MCM3: variants seen among roughly 807,000 people sequenced by gnomAD.
MCM3 encodes minichromosome maintenance complex component 3, also known as DNA replication licensing factor MCM3.
Under a neutral mutation model 91.3 loss-of-function variants are expected in MCM3, and 59 were observed. The ratio of observed to expected loss-of-function variants is 0.65; its 90% CI spans 0.52 to 0.80. The LOEUF is 0.80. Ranked by LOEUF, MCM3 falls within the 30% of genes least tolerant of loss-of-function variation. The probability of loss-of-function intolerance (pLI) is 0.00; values close to 1 mark genes in which losing one functional copy is unlikely to be tolerated. For synonymous variants in MCM3, 383 were observed against 379.6 expected (o/e 1.01, Z -0.10); for missense variants, 919 against 1,035.4 (o/e 0.89, Z 1.54).
chr6:52,269,371 C>A, intron 12 of MCM3, 145 bp from the exon 13 acceptor site: 1 of 626,874 alleles, frequency 1.6e-6, no homozygotes, highest in Non-Finnish European at 2.6e-6. Context: ...TCTACAGATA[C>A]CATATAAAAA....
chr6:52,275,752 A>G (rs1765498517), intron 9 of MCM3, among the ~76,000 whole-genome samples: 1 of 152,244 alleles, frequency 6.6e-6, no homozygotes, highest in African/African-American at 2.4e-5. Flanking sequence ...GAAAAACTCA[A>G]CAAACCCCAC....
Position 52,282,319 on chromosome 6 carries a change from CTTT to C in MCM3, c.401-147_401-145del, listed in dbSNP as rs17239866. ...ATATTTCAATATTACCTTTTATTCA[CTTT>C]TTTATTTATATATAGACCACCACCA... On this transcript the variant is annotated intron_variant, in intron 3 of 16. Transcript: ENST00000596288. The C allele has an allele frequency of 0.016, 12,261 of 749,104 alleles. 1,826 individuals are homozygous for C. The Admixed American group carries it at 0.28, about 17-fold the overall frequency. The allele number at this position is 749,104 out of a possible 1,614,324, so 46.4% of individuals were successfully genotyped here.
chr6:52,276,572 G>T, intron 8 of MCM3, 96 bp from the exon 9 acceptor site: 1 of 1,068,966 alleles, frequency 9.4e-7, no homozygotes, highest in Non-Finnish European at 1.3e-6. Flanking sequence ...CTCTCACTTT[G>T]CACGTGAGAA....
At chr6:52,275,764 CACA>C (rs1196032970) in intron 9 of MCM3, among the ~76,000 whole-genome samples, 6 of 152,146 alleles carry the variant, frequency 3.9e-5, no homozygotes, top group Non-Finnish European at 8.8e-5. Flanking sequence ...AAACCCCACG[CACA>C]GACAAATATA....
chr6:52,283,091 T>C (rs575991273), intron 2 of MCM3, among the ~76,000 whole-genome samples: 7 of 150,272 alleles, frequency 4.7e-5, no homozygotes, highest in African/African-American at 1.7e-4. Context: ...CAGCTAAACA[T>C]TGGAAGGAGG....
intron 9 of MCM3, among the ~76,000 whole-genome samples, chr6:52,274,626 C>T (rs1405105217): frequency 1.3e-5 from 2 of 151,426 alleles, no homozygotes; most frequent in Non-Finnish European, 2.9e-5. Flanking sequence ...GAGGTCGAGG[C>T]TGCAGTGAGC....
At chr6:52,269,316 A>T (rs931263739) in intron 12 of MCM3, 90 bp from the exon 13 acceptor site, 3 of 1,374,978 alleles carry the variant, frequency 2.2e-6, no homozygotes, top group Non-Finnish European at 3.0e-6. Context: ...ACACTACCAG[A>T]AAAGCCCCAG....
In MCM3 at chr6:52,264,446, T is replaced by G. The variant is rs932061358; in HGVS notation, c.*142A>C. 9 of 891,614 alleles carry G rather than the reference T, an allele frequency of 1.0e-5. No homozygotes were observed. The highest frequency in any genetic ancestry group is 1.6e-5 in the Non-Finnish European group (9 of 576,402). The allele number at this position is 891,614 out of a possible 1,614,324, so 55.2% of individuals were successfully genotyped here. Reference sequence around the variant, plus strand: ...CCAAAGGGTCCACCGAGTCCTGAACTCAGCTTCATCACCAACATTCCTCGC... The same window carrying G: ...CCAAAGGGTCCACCGAGTCCTGAACGCAGCTTCATCACCAACATTCCTCGC... On this transcript the variant is annotated 3_prime_UTR_variant, in exon 17 of 17. Coordinates refer to ENST00000596288, the MANE Select transcript of MCM3 (RefSeq NM_002388.6).
At chr6:52,271,889 G>T (rs531704117) in intron 12 of MCM3, among the ~76,000 whole-genome samples, 1 of 152,250 alleles carries the variant, frequency 6.6e-6, no homozygotes, top group East Asian at 1.9e-4. Flanking sequence ...TCATTCCTTT[G>T]TAAGTACCAC....
chr6:52,283,152 AAAAAAT>A (rs78432633), intron 2 of MCM3, 136 bp downstream of exon 2: 3 of 660,120 alleles, frequency 4.5e-6, no homozygotes, highest in East Asian at 5.6e-5. Context: ...AAAAAAAAAA[AAAAAAT>A]AGGTGCAGGT....
Position 52,278,819 on chromosome 6 carries a change from T to C in MCM3, c.802A>G (p.Met268Val). 1 of 1,613,768 alleles carries C rather than the reference T, an allele frequency of 6.2e-7. No homozygotes were observed. ...AAAGAGGGCTGAGCATCCTTGCTCA[T>C]CTGCTTAACATTACAGGCAATCAGG... ...TVLIACNVKQMSKDAQPSFSA... is the reference protein window; with the variant it reads ...TVLIACNVKQVSKDAQPSFSA... Residue 268 changes from methionine to valine, a missense_variant, in exon 6 of 17, where the codon ATG becomes GTG. Physicochemically the swap from Met to Val is conservative, Grantham distance 21 (BLOSUM62 1). Transcript: ENST00000596288.
intron 4 of MCM3, 149 bp downstream of exon 4, chr6:52,281,896 C>G (rs1484390596): frequency 2.2e-5 from 14 of 626,366 alleles, no homozygotes; most frequent in Non-Finnish European, 3.5e-5. Context: ...ATATTAAACT[C>G]TGGCCTGCAA....
In MCM3 at chr6:52,269,070, G is replaced by T; in HGVS notation, c.1968+16C>A. On this transcript the variant is annotated intron_variant, in intron 13 of 16. Transcript: ENST00000596288. The stretch of plus-strand genomic sequence containing the variant: ...ATCCAGGAGATCCTCTCATGCCCAG[G>T]CATCTGAATCCTCACCTTCTTAAAG... 6.2e-7 allele frequency: 1 copy of T among 1,604,688 alleles called. No homozygotes were observed. Among genetic ancestry groups the T allele is most frequent in the Admixed American group, 1.7e-5 (1 of 59,670 alleles).
rs769764975 is a variant in MCM3 at position 52,284,679 on chromosome 6, G to A, written c.-5C>T. The A allele has an allele frequency of 8.7e-6, 14 of 1,605,758 alleles. No individual in the cohort carries two copies. Among genetic ancestry groups the A allele is most frequent in the Admixed American group, 1.7e-5 (1 of 58,874 alleles). On this transcript the variant is annotated 5_prime_UTR_variant, in exon 1 of 17. Coordinates refer to ENST00000596288, the MANE Select transcript of MCM3 (RefSeq NM_002388.6). ...CAGCACCACGGTACCCGCCATGCCC[G>A]CTGCCAAAGAACTACCTCCACCAAA... is the stretch of plus-strand genomic sequence containing the variant.
rs1002635860 is a variant in MCM3, at chr6:52,283,411, A to G, written c.79-5T>C. The G allele has an allele frequency of 1.9e-6, 3 of 1,598,104 alleles. No homozygotes were observed. The highest frequency in any genetic ancestry group is 2.6e-6 in the Non-Finnish European group (3 of 1,165,334). ...CTGATAAATTCCCTGGTCTTCCTGC[A>G]AAACAGCCACCACATATCACCATAG... On this transcript the variant is annotated splice_polypyrimidine_tract_variant and splice_region_variant and intron_variant, in intron 1 of 16. Coordinates refer to ENST00000596288, the MANE Select transcript of MCM3 (RefSeq NM_002388.6).
At chr6:52,268,395 T>A (rs947684181) in intron 13 of MCM3, among the ~76,000 whole-genome samples, 2 of 149,956 alleles carry the variant, frequency 1.3e-5, no homozygotes, top group Non-Finnish European at 3.0e-5. Flanking sequence ...TTATCAGACT[T>A]ACAACTCAAC....
chr6:52,282,564 C>A, intron 3 of MCM3, 89 bp downstream of exon 3: 1 of 1,262,288 alleles, frequency 7.9e-7, no homozygotes, highest in Non-Finnish European at 1.1e-6. Context: ...TCTTTGAAGC[C>A]ACAAGCTACC....
intron 2 of MCM3, 71 bp downstream of exon 2, chr6:52,283,223 G>T: frequency 2.4e-6 from 3 of 1,225,250 alleles, no homozygotes; most frequent in Non-Finnish European, 3.6e-6. Context: ...CTCCTGAGAG[G>T]CTGTTCCAAT....
Position 52,283,309 on chromosome 6 carries a change from T to A in MCM3, c.176A>T (p.Glu59Val). The change falls in exon 2 of 17, where the codon GAG becomes GTG. Residue 59 changes from glutamate (E) to valine (V), a missense_variant. Around this residue, in one of 3 missense-constraint regions of MCM3, gnomAD observed 401 missense variants for 402.7 expected, o/e 1.00. Coordinates refer to ENST00000596288, the MANE Select transcript of MCM3 (RefSeq NM_002388.6). ...TGCCTCTCACCGGTTAGCCCTCTTC[T>A]CGTTTTTCCTGCGCAGGTCATTCAC... ...VNVNDLRRKN[E>V]KRANRLLNNA... 3 of 1,614,060 alleles carry A rather than the reference T, an allele frequency of 1.9e-6. No individual in the cohort carries two copies. The highest frequency in any genetic ancestry group is 2.5e-6 in the Non-Finnish European group (3 of 1,179,966).
Sources: allele counts gnomAD v4.1 joint callset (sites outside exome capture counted in the v4.1 genomes callset), GRCh38; gene constraint gnomAD v4.1.1; regional missense constraint gnomAD v4.1.1; transcripts MANE v1.5; gene names NCBI Gene and HGNC (gene_info 2026-07-23, HGNC 2026-07-21).